PTPDC1: variants seen among roughly 807,000 people sequenced by gnomAD.
The protein encoded by PTPDC1 is protein tyrosine phosphatase domain containing 1, also known as protein tyrosine phosphatase domain-containing protein 1.
PTPDC1 carries 53 observed loss-of-function variants against 75.3 expected under a neutral mutation model. The ratio of observed to expected loss-of-function variants is 0.70; its 90% CI spans 0.56 to 0.88. The LOEUF (loss-of-function observed/expected upper bound fraction) is 0.88. PTPDC1 is among the 40% of genes least tolerant of loss of function. The probability of loss-of-function intolerance (pLI) is 0.00; values close to 1 mark genes in which losing one functional copy is unlikely to be tolerated. For synonymous variants in PTPDC1, 349 were observed against 366.2 expected, an observed-to-expected ratio of 0.95 and a Z score of 0.54; for missense variants, 925 against 998.6, an observed-to-expected ratio of 0.93 and a Z score of 0.99.
rs531094268 is a variant in PTPDC1, at chr9:94,098,710, C to G, written c.2013+131C>G. The G allele has an allele frequency of 1.2e-5, 10 of 818,144 alleles. No homozygotes were observed. The South Asian group carries it at 1.7e-4, about 14-fold the overall frequency. 50.7% of individuals were successfully genotyped at this position (818,144 alleles called of 1,614,324 possible). A position where few individuals can be genotyped will look rare whatever the true frequency, so the allele number is the denominator to read the frequency against. ...ACGTTTGCATAATACTTTCTAACTT[C>G]AGGTTTCTCGTCTCTGATGCGAACC... is the stretch of plus-strand genomic sequence containing the variant. On this transcript the variant is annotated intron_variant, in intron 6 of 8. Transcript: ENST00000620992.
At position 94,098,247 on chromosome 9, in the gene PTPDC1, A is replaced by G; in HGVS notation, c.1681A>G (p.Ser561Gly). ...SHSPGEPVSP[S>G]FANVHKDPNP... ...CAGCCCTGGGGAGCCAGTTTCACCCAGCTTTGCAAATGTCCATAAGGATCC... is the reference window on the plus strand; with the variant it reads ...CAGCCCTGGGGAGCCAGTTTCACCCGGCTTTGCAAATGTCCATAAGGATCC... The change falls in exon 6 of 9, where the codon AGC (serine) becomes GGC (glycine). Residue 561 changes from serine to glycine, a missense_variant. Transcript: ENST00000620992. The G allele has an allele frequency of 1.2e-6, 2 of 1,614,194 alleles. No homozygotes were observed. Among genetic ancestry groups the G allele is most frequent in the Non-Finnish European group, 8.5e-7 (1 of 1,180,034 alleles).
At chr9:94,095,770 C>T (rs934667998) in intron 5 of PTPDC1, among the ~76,000 whole-genome samples, 1 of 151,610 alleles carries the variant, frequency 6.6e-6, no homozygotes, top group African/African-American at 2.4e-5. Flanking sequence ...ACTATATACC[C>T]CATAGATATG....
At chr9:94,054,125 G>A (rs572486047) in intron 1 of PTPDC1, among the ~76,000 whole-genome samples, 4 of 152,300 alleles carry the variant, frequency 2.6e-5, no homozygotes, top group South Asian at 2.1e-4. Context: ...CTTACATTCC[G>A]GTAGGACAAG....
chr9:94,092,258 C>G (rs1211029181), intron 4 of PTPDC1, among the ~76,000 whole-genome samples: 1 of 144,014 alleles, frequency 6.9e-6, no homozygotes, highest in Admixed American at 7.0e-5. Flanking sequence ...GCTTTGAATG[C>G]GTCCCAGAGA....
At chr9:94,083,248 A>G (rs1287813352), upstream of PTPDC1, among the ~76,000 whole-genome samples, 1 of 152,184 alleles carries the variant, frequency 6.6e-6, no homozygotes, top group Non-Finnish European at 1.5e-5. Context: ...CTTGCCTAGA[A>G]TAATCCTCAT....
intron 2 of PTPDC1, among the ~76,000 whole-genome samples, chr9:94,075,044 A>G (rs943262016): frequency 6.6e-6 from 1 of 152,192 alleles, no homozygotes; most frequent in Non-Finnish European, 1.5e-5. Context: ...AAGACTGGTT[A>G]CTGCTGGATG....
chr9:94,061,237 A>T (rs1424774738), intron 1 of PTPDC1, among the ~76,000 whole-genome samples: 1 of 152,204 alleles, frequency 6.6e-6, no homozygotes, highest in Non-Finnish European at 1.5e-5. Flanking sequence ...CTCCATGGGA[A>T]CACTGATGCA....
chr9:94,080,669 C>G (rs1342126), upstream of PTPDC1, among the ~76,000 whole-genome samples: 1,547 of 152,328 alleles, frequency 0.01, 19 homozygotes, highest in Non-Finnish European at 0.016. Flanking sequence ...GGCCTATACT[C>G]TTCAAAAGTG....
At chr9:94,032,853 C>CTATT (rs965106472) in intron 1 of PTPDC1, among the ~76,000 whole-genome samples, 2 of 151,794 alleles carry the variant, frequency 1.3e-5, no homozygotes, top group South Asian at 2.1e-4. Context: ...TTCTTTTTCT[C>CTATT]TATTTATTTA....
At chr9:94,031,550 C>T (rs1220694986) in intron 1 of PTPDC1, among the ~76,000 whole-genome samples, 1 of 152,026 alleles carries the variant, frequency 6.6e-6, no homozygotes, top group Non-Finnish European at 1.5e-5. Flanking sequence ...AGGTCTAATT[C>T]TGCCACTAAA....
intron 4 of PTPDC1, among the ~76,000 whole-genome samples, chr9:94,093,596 T>C (rs1468392965): frequency 9.9e-5 from 15 of 151,930 alleles, no homozygotes; most frequent in South Asian, 4.2e-4. Context: ...ATCTTTGTGG[T>C]GTTCTCTGTA....
intron 8 of PTPDC1, 110 bp downstream of exon 8, chr9:94,104,495 G>C: frequency 3.1e-6 from 2 of 637,130 alleles, no homozygotes; most frequent in Admixed American, 5.2e-5. Context: ...GTATGTGTAT[G>C]TTTTCCCTTC....
intron 1 of PTPDC1, among the ~76,000 whole-genome samples, chr9:94,061,698 T>C (rs772191978): frequency 2.6e-5 from 4 of 152,206 alleles, no homozygotes; most frequent in Non-Finnish European, 2.9e-5. Context: ...TCAACTGTAC[T>C]TGGGCCCATT....
intron 2 of PTPDC1, among the ~76,000 whole-genome samples, chr9:94,067,258 C>T (rs1466258569): frequency 1.3e-5 from 2 of 151,774 alleles, no homozygotes; most frequent in African/African-American, 4.8e-5. Flanking sequence ...AGCATGGTGG[C>T]GTATGCCTGT....
chr9:94,067,080 C>T (rs540707675), intron 2 of PTPDC1, among the ~76,000 whole-genome samples: 5 of 152,124 alleles, frequency 3.3e-5, no homozygotes, highest in Admixed American at 2.0e-4. Context: ...CAAGGCATCG[C>T]GTCATTTTGT....
At chr9:94,094,873 A>G (rs938378765) in intron 4 of PTPDC1, among the ~76,000 whole-genome samples, 1 of 152,180 alleles carries the variant, frequency 6.6e-6, no homozygotes, top group Non-Finnish European at 1.5e-5. Flanking sequence ...TCTTTGACTC[A>G]GAAAGGGAAC....
intron 1 of PTPDC1, among the ~76,000 whole-genome samples, chr9:94,044,503 C>G (rs1000494496): frequency 6.6e-6 from 1 of 152,092 alleles, no homozygotes; most frequent in Admixed American, 6.5e-5. Context: ...TCTGTGTGTC[C>G]ATGTTTTCTC....
intron 2 of PTPDC1, among the ~76,000 whole-genome samples, chr9:94,078,571 C>T (rs1242627449): frequency 6.6e-6 from 1 of 152,156 alleles, no homozygotes; most frequent in African/African-American, 2.4e-5. Flanking sequence ...TTCTACTCCT[C>T]TCTCAACTCT....
At chr9:94,086,703 A>G (rs1423756132) in intron 2 of PTPDC1, among the ~76,000 whole-genome samples, 1 of 152,166 alleles carries the variant, frequency 6.6e-6, no homozygotes, top group African/African-American at 2.4e-5. Flanking sequence ...GTAAATATCC[A>G]TTTGGCTGTA....
Sources: allele counts gnomAD v4.1 joint callset (sites outside exome capture counted in the v4.1 genomes callset), GRCh38; gene constraint gnomAD v4.1.1; transcripts MANE v1.5; gene names NCBI Gene and HGNC (gene_info 2026-07-23, HGNC 2026-07-21).